BRIP1: variants seen among roughly 807,000 people sequenced by gnomAD.
BRIP1 encodes the protein BRCA1 interacting DNA helicase 1.
A neutral mutation model predicts 119.7 loss-of-function variants in BRIP1; 88 were observed. The observed-to-expected ratio is 0.74, with a 90% CI of 0.62 to 0.88. The LOEUF (loss-of-function observed/expected upper bound fraction) is 0.88. BRIP1 is among the 40% of genes least tolerant of loss of function. The pLI is 0.00. For missense variants in BRIP1, 1,259 were observed against 1,455.4 expected, an observed-to-expected ratio of 0.87 and a Z score of 2.20; for synonymous variants, 443 against 496.5, an observed-to-expected ratio of 0.89 and a Z score of 1.43.
Position 61,739,543 on chromosome 17 carries a change from G to A in BRIP1, c.2379+3470C>T, listed in dbSNP as rs1352567991. The stretch of plus-strand genomic sequence containing the variant: ...GGTCCAGAGGTTACGGAAGAGTAAG[G>A]GCTACCAAAAGAAATACTGCTTATT... On this transcript the variant is annotated intron_variant, in intron 16 of 19. Transcript: ENST00000259008. The surrounding 1 kb of genome is among the most constrained non-coding windows in gnomAD (Gnocchi z 6.0). The A allele has an allele frequency of 1.1e-5, 2 of 176,004 alleles. No individual in the cohort carries two copies. The highest frequency in any genetic ancestry group is 4.7e-5 in the African/African-American group (2 of 42,146). The allele number at this position is 176,004 out of a possible 1,614,324, so 10.9% of individuals were successfully genotyped here.
intron 4 of BRIP1, among the ~76,000 whole-genome samples, chr17:61,850,993 C>T (rs1186590234): frequency 6.6e-6 from 1 of 151,902 alleles, no homozygotes; most frequent in Non-Finnish European, 1.5e-5. Flanking sequence ...TTTGGGAGGC[C>T]GAGGCAGGTG....
In BRIP1 at chr17:61,760,516, TAAATG is replaced by T. The variant is rs1466334038; in HGVS notation, c.2097+15880_2097+15884del. ...AACTATGAATTGGTTTTTGAAAAGATAAATGAAATCAACAAACCTTTAGCTAGATT... is the reference window on the plus strand; with the variant it reads ...AACTATGAATTGGTTTTTGAAAAGATAAATCAACAAACCTTTAGCTAGATT... On this transcript the variant is annotated intron_variant, in intron 14 of 19. Coordinates refer to ENST00000259008, the MANE Select transcript of BRIP1 (RefSeq NM_032043.3). The surrounding 1 kb of genome is among the most constrained non-coding windows in gnomAD (Gnocchi z 4.6). Among the ~76,000 whole-genome samples, 1 of 151,538 alleles carries T rather than the reference TAAATG, an allele frequency of 6.6e-6. No individual in the cohort carries two copies. Among genetic ancestry groups the T allele is most frequent in the Non-Finnish European group, 1.5e-5 (1 of 67,762 alleles).
rs946358627 is a variant in BRIP1 at position 61,705,308 on chromosome 17, A to T, written c.2492+10643T>A. Among the ~76,000 whole-genome samples the T allele has an allele frequency of 2.0e-5, 3 of 152,114 alleles. No homozygotes were observed. Among genetic ancestry groups the T allele is most frequent in the Non-Finnish European group, 4.4e-5 (3 of 68,016 alleles). On this transcript the variant is annotated intron_variant, in intron 17 of 19. Transcript: ENST00000259008. The surrounding 1 kb of genome is among the most constrained non-coding windows in gnomAD (Gnocchi z 5.0). The stretch of plus-strand genomic sequence containing the variant: ...ATGGCTGTGCAGTATTCCACGGTGT[A>T]TATGTACCACATTTTCTTTATCTAG...
Position 61,801,094 on chromosome 17 carries a change from A to C in BRIP1, c.1140+159T>G, listed in dbSNP as rs141506048. On this transcript the variant is annotated intron_variant, in intron 8 of 19. Coordinates refer to ENST00000259008, the MANE Select transcript of BRIP1 (RefSeq NM_032043.3). ...AAATTAAAATGAGTGGGTTGATTTT[A>C]ACCCATGTTAGGATATGTTTTCAGT... 6.4e-4 allele frequency among the ~76,000 whole-genome samples: 97 copies of C among 152,322 alleles called. No individual in the cohort carries two copies. In the East Asian group the frequency reaches 8.9e-3, roughly 14 times the overall value.
rs146266227 is a variant in BRIP1 at position 61,692,328 on chromosome 17, A to G, written c.2575+1102T>C. Among the ~76,000 whole-genome samples the G allele has an allele frequency of 9.2e-3, 1,395 of 152,320 alleles. 19 individuals are homozygous for G. Among genetic ancestry groups the G allele is most frequent in the African/African-American group, 0.032 (1,343 of 41,562 alleles). On this transcript the variant is annotated intron_variant, in intron 18 of 19. Coordinates refer to ENST00000259008, the MANE Select transcript of BRIP1 (RefSeq NM_032043.3). ...AAGGAAGACCATGTTAAACTAAAAA[A>G]CTTCTGTGCAGCAAAGTAAATAATC...
At chr17:61,728,308 TAA>T (rs1260095578) in intron 16 of BRIP1, among the ~76,000 whole-genome samples, 1 of 135,864 alleles carries the variant, frequency 7.4e-6, no homozygotes, top group Admixed American at 7.5e-5. Context: ...CTGATTTCAA[TAA>T]GTCAAAAAAA....
At position 61,842,806 on chromosome 17, in the gene BRIP1, G is replaced by A. The variant is rs577130109; in HGVS notation, c.627+4295C>T. On this transcript the variant is annotated intron_variant, in intron 6 of 19. Transcript: ENST00000259008. This position sits in a 1 kb window ranked among gnomAD's most constrained non-coding sequence, Gnocchi z 5.1. ...CTCAGCACTGTATAGATATCAACTT[G>A]TTTAATCCTCCTAACGGCCCCGTGA... Among the ~76,000 whole-genome samples the A allele has an allele frequency of 3.9e-5, 6 of 152,146 alleles. No individual in the cohort carries two copies. The highest frequency in any genetic ancestry group is 1.4e-4 in the African/African-American group (6 of 41,432).
rs1392004463 is a variant in BRIP1 at position 61,809,719 on chromosome 17, T to C, written c.628-962A>G. On this transcript the variant is annotated intron_variant, in intron 6 of 19. Coordinates refer to ENST00000259008, the MANE Select transcript of BRIP1 (RefSeq NM_032043.3). The surrounding 1 kb of genome is among the most constrained non-coding windows in gnomAD (Gnocchi z 5.2). ...GTGTAAAATGGTTAATTTATAGAAG[T>C]GGTCATTGATGGGGAGGGAAAAAAG... Among the ~76,000 whole-genome samples the C allele has an allele frequency of 6.6e-6, 1 of 152,072 alleles. No individual in the cohort carries two copies. Among genetic ancestry groups the C allele is most frequent in the Non-Finnish European group, 1.5e-5 (1 of 67,992 alleles).
intron 6 of BRIP1, among the ~76,000 whole-genome samples, chr17:61,838,314 C>G (rs1007332848): frequency 2.6e-5 from 4 of 151,980 alleles, no homozygotes; most frequent in Non-Finnish European, 5.9e-5. Flanking sequence ...CCCGCCTCAG[C>G]CTCCCAAAGT....
rs916632079 is a variant in BRIP1, at chr17:61,770,078, A to C, written c.2097+6323T>G. ...ACAATGGCCAGTCTGCCAGTAAGGA[A>C]GATTTTACCAGATCCTTATCCAACA... is the stretch of plus-strand genomic sequence containing the variant. On this transcript the variant is annotated intron_variant, in intron 14 of 19. Transcript: ENST00000259008. The surrounding 1 kb of genome is among the most constrained non-coding windows in gnomAD (Gnocchi z 4.7). 6.6e-6 allele frequency among the ~76,000 whole-genome samples: 1 copy of C among 152,236 alleles called. No homozygotes were observed. Among genetic ancestry groups the C allele is most frequent in the Non-Finnish European group, 1.5e-5 (1 of 68,044 alleles).
rs1206628096 is a variant in BRIP1 at position 61,827,253 on chromosome 17, C to T, written c.628-18496G>A. Among the ~76,000 whole-genome samples, 1 of 152,030 alleles carries T rather than the reference C, an allele frequency of 6.6e-6. No homozygotes were observed. Among genetic ancestry groups the T allele is most frequent in the Admixed American group, 6.6e-5 (1 of 15,260 alleles). ...TATGGAAACATAAAGGGGAAAAACA[C>T]ACAATGGGGCCTATCAGAGGGTAGA... On this transcript the variant is annotated intron_variant, in intron 6 of 19. Coordinates refer to ENST00000259008, the MANE Select transcript of BRIP1 (RefSeq NM_032043.3). This position sits in a 1 kb window ranked among gnomAD's most constrained non-coding sequence, Gnocchi z 5.8.
intron 8 of BRIP1, among the ~76,000 whole-genome samples, chr17:61,800,207 C>CAA (rs2077968736): frequency 1.3e-5 from 2 of 152,096 alleles, no homozygotes; most frequent in Admixed American, 1.3e-4. Context: ...AGGTTTGTGT[C>CAA]ACTTGCAATA....
At chr17:61,847,867 T>G (rs550214446) in intron 5 of BRIP1, among the ~76,000 whole-genome samples, 8 of 152,178 alleles carry the variant, frequency 5.3e-5, no homozygotes, top group Non-Finnish European at 7.3e-5. Context: ...AAAAATGAAA[T>G]GAGAACCAGT....
At chr17:61,813,838 C>A (rs963325387) in intron 6 of BRIP1, among the ~76,000 whole-genome samples, 2 of 152,068 alleles carry the variant, frequency 1.3e-5, no homozygotes, top group East Asian at 3.9e-4. Context: ...ACAAAGAGAG[C>A]TTCATTCTTA....
Position 61,832,143 on chromosome 17 carries a change from G to A in BRIP1, c.627+14958C>T, listed in dbSNP as rs1034615314. ...GAGAAATGTCTGAATCCGAGACTAG[G>A]GCAGGGAAAATATAAGGTGAGCCTG... is the stretch of plus-strand genomic sequence containing the variant. On this transcript the variant is annotated intron_variant, in intron 6 of 19. Transcript: ENST00000259008. This position sits in a 1 kb window ranked among gnomAD's most constrained non-coding sequence, Gnocchi z 5.5. 7.2e-5 allele frequency among the ~76,000 whole-genome samples: 11 copies of A among 152,098 alleles called. No homozygotes were observed. The highest frequency in any genetic ancestry group is 3.3e-4 in the Admixed American group (5 of 15,270).
Position 61,735,056 on chromosome 17 carries a change from C to T in BRIP1, c.2379+7957G>A, listed in dbSNP as rs2076899495. Among the ~76,000 whole-genome samples the T allele has an allele frequency of 6.6e-6, 1 of 152,016 alleles. No individual in the cohort carries two copies. Among genetic ancestry groups the T allele is most frequent in the African/African-American group, 2.4e-5 (1 of 41,384 alleles). Reference sequence around the variant, plus strand: ...AACTATAAAGTTCTAATTTAAGGTCCTATAATTTGAAGCATAGTTTTAGTT... The same window carrying T: ...AACTATAAAGTTCTAATTTAAGGTCTTATAATTTGAAGCATAGTTTTAGTT... On this transcript the variant is annotated intron_variant, in intron 16 of 19. Transcript: ENST00000259008. This position sits in a 1 kb window ranked among gnomAD's most constrained non-coding sequence, Gnocchi z 4.4.
rs531879789 is a variant in BRIP1, at chr17:61,823,365, C to T, written c.628-14608G>A. Among the ~76,000 whole-genome samples the T allele has an allele frequency of 1.1e-3, 164 of 152,270 alleles. No homozygotes were observed. Among genetic ancestry groups the T allele is most frequent in the Middle Eastern group, 3.4e-3 (1 of 294 alleles). On this transcript the variant is annotated intron_variant, in intron 6 of 19. Coordinates refer to ENST00000259008, the MANE Select transcript of BRIP1 (RefSeq NM_032043.3). This position sits in a 1 kb window ranked among gnomAD's most constrained non-coding sequence, Gnocchi z 4.8. ...ACAAGATATATGAAACAGTACTTTTCAGACACTGAATTGTGATCTCAGAGA... is the reference window on the plus strand; with the variant it reads ...ACAAGATATATGAAACAGTACTTTTTAGACACTGAATTGTGATCTCAGAGA...
chr17:61,703,547 A>G lies in BRIP1; in HGVS notation c.2493-10035T>C, dbSNP rs1452151516. On this transcript the variant is annotated intron_variant, in intron 17 of 19. Coordinates refer to ENST00000259008, the MANE Select transcript of BRIP1 (RefSeq NM_032043.3). This position sits in a 1 kb window ranked among gnomAD's most constrained non-coding sequence, Gnocchi z 5.0. ...TGGATTCTGGATATTAGACGTTTGT[A>G]AGATGCATAGTTTGCAAACATTTTC... Among the ~76,000 whole-genome samples the G allele has an allele frequency of 6.6e-6, 1 of 152,168 alleles. No homozygotes were observed. The highest frequency in any genetic ancestry group is 1.5e-5 in the Non-Finnish European group (1 of 68,030).
At position 61,735,104 on chromosome 17, in the gene BRIP1, T is replaced by C. The variant is rs2076899973; in HGVS notation, c.2379+7909A>G. ...GTTTTGGAAGAGCCATCTATGTAGG[T>C]CATTTAGATCATCATCTCTTTTCAT... On this transcript the variant is annotated intron_variant, in intron 16 of 19. Transcript: ENST00000259008. This position sits in a 1 kb window ranked among gnomAD's most constrained non-coding sequence, Gnocchi z 4.4. Among the ~76,000 whole-genome samples, 1 of 152,146 alleles carries C rather than the reference T, an allele frequency of 6.6e-6. No individual in the cohort carries two copies. Among genetic ancestry groups the C allele is most frequent in the African/African-American group, 2.4e-5 (1 of 41,416 alleles).
Sources: allele counts gnomAD v4.1 joint callset (sites outside exome capture counted in the v4.1 genomes callset), GRCh38; gene constraint gnomAD v4.1.1; non-coding constraint Gnocchi (gnomAD v3.1); transcripts MANE v1.5; gene names NCBI Gene and HGNC (gene_info 2026-07-23, HGNC 2026-07-21).